Variants in CSNK2A2IP observed in about 807,000 individuals in gnomAD.
The protein encoded by CSNK2A2IP is casein kinase 2 subunit alpha' interacting protein.
chr3:88,349,828 C>T, the CSNK2A2IP span, among the ~76,000 whole-genome samples: 2 of 152,008 alleles, frequency 1.3e-5, no homozygotes, highest in African/African-American at 4.8e-5. Context: ...TAAATTATAG[C>T]CATTCTCGCA....
the CSNK2A2IP span, among the ~76,000 whole-genome samples, chr3:88,396,699 A>G: frequency 1.3e-5 from 2 of 152,192 alleles, no homozygotes; most frequent in Admixed American, 1.3e-4. Context: ...CTAGATAATG[A>G]TCTTGAAGCC....
the CSNK2A2IP span, among the ~76,000 whole-genome samples, chr3:88,435,548 C>T: frequency 2.0e-5 from 3 of 152,050 alleles, no homozygotes; most frequent in East Asian, 1.9e-4. Context: ...GAGCCAATAC[C>T]GAGGTTTATG....
At chr3:88,392,072 T>C in the CSNK2A2IP span, among the ~76,000 whole-genome samples, 1 of 152,092 alleles carries the variant, frequency 6.6e-6, no homozygotes, top group African/African-American at 2.4e-5. Flanking sequence ...GTTAGTTGGA[T>C]GTGAGAAGGA....
chr3:88,375,733 A>G, the CSNK2A2IP span, among the ~76,000 whole-genome samples: 9 of 151,782 alleles, frequency 5.9e-5, no homozygotes, highest in Non-Finnish European at 1.3e-4. Context: ...ATGTTACTCT[A>G]TATTCAATAT....
the CSNK2A2IP span, among the ~76,000 whole-genome samples, chr3:88,365,803 T>A: frequency 6.6e-6 from 1 of 152,152 alleles, no homozygotes; most frequent in African/African-American, 2.4e-5. Flanking sequence ...AAAGGGCCAA[T>A]GCCTGTGGAA....
chr3:88,345,557 C>T, the CSNK2A2IP span, among the ~76,000 whole-genome samples: 1 of 151,948 alleles, frequency 6.6e-6, no homozygotes, highest in African/African-American at 2.4e-5. Flanking sequence ...CACAACATTT[C>T]AAACTTTTCC....
chr3:88,443,052 A>G, the CSNK2A2IP span, among the ~76,000 whole-genome samples: 1 of 152,176 alleles, frequency 6.6e-6, no homozygotes, highest in Admixed American at 6.6e-5. Flanking sequence ...GCTAAAATCC[A>G]AATTCCCTAC....
chr3:88,440,058 C>A, the CSNK2A2IP span, among the ~76,000 whole-genome samples: 1 of 152,146 alleles, frequency 6.6e-6, no homozygotes, highest in Non-Finnish European at 1.5e-5. Context: ...GTTTCCCCAT[C>A]CACAGATGGC....
At chr3:88,377,318 G>C in the CSNK2A2IP span, among the ~76,000 whole-genome samples, 1 of 151,510 alleles carries the variant, frequency 6.6e-6, no homozygotes, top group African/African-American at 2.4e-5. Context: ...GTGAACTTTG[G>C]TATTTTCTTT....
At chr3:88,434,676 G>A in the CSNK2A2IP span, among the ~76,000 whole-genome samples, 1 of 152,142 alleles carries the variant, frequency 6.6e-6, no homozygotes, top group African/African-American at 2.4e-5. Flanking sequence ...TGCATTTATA[G>A]TTTCCCCACC....
At chr3:88,388,923 T>C in the CSNK2A2IP span, among the ~76,000 whole-genome samples, 1 of 151,954 alleles carries the variant, frequency 6.6e-6, no homozygotes, top group South Asian at 2.1e-4. Flanking sequence ...TTAACAAATA[T>C]TCAGTAATTA....
chr3:88,399,589 A>G, the CSNK2A2IP span: 11 of 152,220 alleles, frequency 7.2e-5, no homozygotes, highest in Non-Finnish European at 1.3e-4. Context: ...GCAGGAAGTG[A>G]TAAATAAAAC....
At chr3:88,363,213 T>A in the CSNK2A2IP span, among the ~76,000 whole-genome samples, 2 of 152,320 alleles carry the variant, frequency 1.3e-5, no homozygotes, top group African/African-American at 4.8e-5. Flanking sequence ...TATGTTAAAT[T>A]AGAACATTTA....
chr3:88,371,645 T>C, the CSNK2A2IP span, among the ~76,000 whole-genome samples: 197 of 151,798 alleles, frequency 1.3e-3, 1 homozygote, highest in African/African-American at 4.6e-3. Context: ...TTTCCAGAGA[T>C]GATGGCAGAA....
At chr3:88,378,770 T>A in the CSNK2A2IP span, among the ~76,000 whole-genome samples, 1 of 151,998 alleles carries the variant, frequency 6.6e-6, no homozygotes, top group African/African-American at 2.4e-5. Flanking sequence ...TTTTATAATT[T>A]TTCTGTGTAT....
the CSNK2A2IP span, among the ~76,000 whole-genome samples, chr3:88,359,381 C>A: frequency 6.6e-6 from 1 of 151,492 alleles, no homozygotes; most frequent in Non-Finnish European, 1.5e-5. Context: ...CTGCTCTGAT[C>A]TTTTATTATT....
chr3:88,388,101 C>A, the CSNK2A2IP span, among the ~76,000 whole-genome samples: 9 of 152,056 alleles, frequency 5.9e-5, no homozygotes, highest in African/African-American at 2.2e-4. Context: ...TTTATTTTTT[C>A]TTTCTGATGG....
chr3:88,388,145 T>C, the CSNK2A2IP span, among the ~76,000 whole-genome samples: 1 of 152,368 alleles, frequency 6.6e-6, no homozygotes, highest in Admixed American at 6.5e-5. Context: ...TGTTGTCATT[T>C]CTATTTTAGT....
At chr3:88,345,519 T>C in the CSNK2A2IP span, among the ~76,000 whole-genome samples, 3 of 152,008 alleles carry the variant, frequency 2.0e-5, no homozygotes, top group African/African-American at 4.8e-5. Flanking sequence ...GCTCACTTCA[T>C]GCCTCTGTGT....
Sources: gnomAD v4.1 joint callset for allele counts (sites outside exome capture counted in the v4.1 genomes callset) on GRCh38, gnomAD v4.1.1 for gene constraint, MANE v1.5 for transcripts, NCBI Gene and HGNC (gene_info 2026-07-23, HGNC 2026-07-21) for gene names.